Variants in ZBTB11 observed in about 807,000 individuals in gnomAD.
ZBTB11 encodes the protein zinc finger and BTB domain-containing protein 11.
ZBTB11 carries 68 observed loss-of-function variants against 113.1 expected under a neutral mutation model. The ratio of observed to expected loss-of-function variants is 0.60; its 90% CI spans 0.49 to 0.74. The LOEUF is 0.74. ZBTB11 is among the 30% of genes least tolerant of loss of function. The pLI is 0.00. For missense variants in ZBTB11, 1,104 were observed against 1,279.4 expected, an observed-to-expected ratio of 0.86 and a Z score of 2.09; for synonymous variants, 518 against 452.6, an observed-to-expected ratio of 1.14 and a Z score of -1.83.
intron 3 of ZBTB11, among the ~76,000 whole-genome samples, chr3:101,668,182 T>A (rs371337015): frequency 3.3e-5 from 5 of 151,026 alleles, no homozygotes; most frequent in African/African-American, 1.2e-4. Flanking sequence ...AGAGAAGAGC[T>A]ATGGTTATTA....
intron 6 of ZBTB11, among the ~76,000 whole-genome samples, chr3:101,658,078 C>T (rs1356978509): frequency 6.6e-6 from 1 of 152,094 alleles, no homozygotes; most frequent in Non-Finnish European, 1.5e-5. Context: ...AATATGAAAC[C>T]AGCCCAAATG....
chr3:101,656,293 G>C, intron 6 of ZBTB11, 45 bp from the exon 7 acceptor site: 1 of 1,262,868 alleles, frequency 7.9e-7, no homozygotes, highest in Non-Finnish European at 1.0e-6. Context: ...CAAAAAGGGA[G>C]ATTGTTTCTG....
chr3:101,659,753 T>C, intron 6 of ZBTB11, 30 bp downstream of exon 6: 7 of 1,610,472 alleles, frequency 4.3e-6, no homozygotes, highest in Non-Finnish European at 5.1e-6. Flanking sequence ...TAATGTTCTT[T>C]AAATAGCAAA....
rs1450352174 is a variant in ZBTB11 at position 101,649,847 on chromosome 3, T to C, written c.*1319A>G. 6.6e-6 allele frequency: 1 copy of C among 152,650 alleles called. No individual in the cohort carries two copies. The highest frequency in any genetic ancestry group is 2.4e-5 in the African/African-American group (1 of 41,464). 9.5% of individuals were successfully genotyped at this position (152,650 alleles called of 1,614,324 possible). On this transcript the variant is annotated 3_prime_UTR_variant, in exon 11 of 11. Transcript: ENST00000312938. ...CTTTTCTTGTGCTTTAGGAATGATT[T>C]ACATGTGATCTGCTTATATCTTAAT...
chr3:101,676,231 C>A (rs1175397591), intron 1 of ZBTB11, among the ~76,000 whole-genome samples: 2 of 152,028 alleles, frequency 1.3e-5, no homozygotes, highest in African/African-American at 4.8e-5. Context: ...AAAACGTGCA[C>A]CCCGCAGCCT....
rs749436899 is a variant in ZBTB11, at chr3:101,671,370, A to G, written c.547-9T>C. ...ACTCCTTTGGTGTCAACCTGTCAAA[A>G]TAAGTTTGAGAGCAAGAGTAACATA... On this transcript the variant is annotated splice_polypyrimidine_tract_variant and intron_variant, in intron 2 of 10. Transcript: ENST00000312938. 4.3e-6 allele frequency: 7 copies of G among 1,610,340 alleles called. No individual in the cohort carries two copies. In the Admixed American group the frequency reaches 1.0e-4, roughly 23 times the overall value.
Position 101,649,601 on chromosome 3 carries a change from A to C in ZBTB11, c.*1565T>G, listed in dbSNP as rs906692706. ...GGTTGAAATGTTTTTCCACTAACTGAAAGATAAGATAAATGAGCAGCCATT... is the reference window on the plus strand; with the variant it reads ...GGTTGAAATGTTTTTCCACTAACTGCAAGATAAGATAAATGAGCAGCCATT... On this transcript the variant is annotated 3_prime_UTR_variant, in exon 11 of 11. Transcript: ENST00000312938. 2 of 152,516 alleles carry C rather than the reference A, an allele frequency of 1.3e-5. No individual in the cohort carries two copies. The highest frequency in any genetic ancestry group is 4.8e-5 in the African/African-American group (2 of 41,470). The allele number at this position is 152,516 out of a possible 1,614,324, so 9.4% of individuals were successfully genotyped here.
intron 1 of ZBTB11, among the ~76,000 whole-genome samples, chr3:101,676,194 C>T (rs1295364627): frequency 2.0e-5 from 3 of 151,646 alleles, no homozygotes; most frequent in Non-Finnish European, 4.4e-5. Flanking sequence ...GGTGACTCGT[C>T]CCCCCTTCCA....
At chr3:101,671,909 A>G (rs929235693) in intron 2 of ZBTB11, 69 bp downstream of exon 2, 17 of 1,255,814 alleles carry the variant, frequency 1.4e-5, no homozygotes, top group Non-Finnish European at 1.8e-5. Context: ...GAGAAAAATA[A>G]GTCACCAAGG....
chr3:101,654,420 AG>A (rs999837158), intron 8 of ZBTB11, among the ~76,000 whole-genome samples: 5 of 152,166 alleles, frequency 3.3e-5, no homozygotes, highest in South Asian at 4.2e-4. Context: ...AATGAAGAAG[AG>A]GGGGGGAAAG....
chr3:101,656,380 G>A, intron 6 of ZBTB11, 132 bp from the exon 7 acceptor site: 1 of 547,410 alleles, frequency 1.8e-6, no homozygotes, highest in Non-Finnish European at 2.5e-6. Context: ...AAAACATAAT[G>A]ACAAAGTGAA....
chr3:101,664,425 A>C, intron 5 of ZBTB11, 113 bp downstream of exon 5: 1 of 1,001,594 alleles, frequency 1.0e-6, no homozygotes, highest in Non-Finnish European at 1.4e-6. Flanking sequence ...TAAGAAGATG[A>C]CTCTTATAGC....
At chr3:101,666,771 G>C (rs774609360) in intron 3 of ZBTB11, among the ~76,000 whole-genome samples, 3 of 151,962 alleles carry the variant, frequency 2.0e-5, no homozygotes, top group Non-Finnish European at 2.9e-5. Context: ...TATTTTTTGA[G>C]ATGGAGTCTT....
rs2108316085 is a variant in ZBTB11, at chr3:101,654,826, T to C, written c.2192-5A>G. ...AGCAAAGGTACTTGGACTCTCCTATTAGAAAAAATTAAAACCCTGTCACAT... is the reference window on the plus strand; with the variant it reads ...AGCAAAGGTACTTGGACTCTCCTATCAGAAAAAATTAAAACCCTGTCACAT... On this transcript the variant is annotated splice_polypyrimidine_tract_variant and splice_region_variant and intron_variant, in intron 7 of 10. Coordinates refer to ENST00000312938, the MANE Select transcript of ZBTB11 (RefSeq NM_014415.4). The C allele has an allele frequency of 6.2e-7, 1 of 1,610,090 alleles. No individual in the cohort carries two copies. Among genetic ancestry groups the C allele is most frequent in the Non-Finnish European group, 8.5e-7 (1 of 1,178,028 alleles).
At chr3:101,654,107 T>C (rs565071576) in intron 8 of ZBTB11, among the ~76,000 whole-genome samples, 4 of 152,190 alleles carry the variant, frequency 2.6e-5, no homozygotes, top group East Asian at 1.9e-4. Context: ...TGGTGTGATC[T>C]TGGCTCACTG....
At position 101,665,486 on chromosome 3, in the gene ZBTB11, T is replaced by C; in HGVS notation, c.1101A>G (p.Val367=). Reference sequence around the variant, plus strand: ...GCTCAGCTTCTGGCAATTCTCCATTTACCAGTAGTACAATTTCACAATCCC... The same window carrying C: ...GCTCAGCTTCTGGCAATTCTCCATTCACCAGTAGTACAATTTCACAATCCC... ...ELGDCEIVLL[V]NGELPEAEQN... Residue 367 remains valine (V), a synonymous_variant, in exon 4 of 11, where the codon GTA becomes GTG. Transcript: ENST00000312938. 1.2e-6 allele frequency: 2 copies of C among 1,614,208 alleles called. No homozygotes were observed. The highest frequency in any genetic ancestry group is 1.7e-6 in the Non-Finnish European group (2 of 1,180,014).
At position 101,677,007 on chromosome 3, in the gene ZBTB11, G is replaced by A. The variant is rs949444434; in HGVS notation, c.-93C>T. The A allele has an allele frequency of 1.6e-5, 22 of 1,382,736 alleles. No individual in the cohort carries two copies. Among genetic ancestry groups the A allele is most frequent in the Non-Finnish European group, 1.9e-5 (20 of 1,039,526 alleles). 85.7% of individuals were successfully genotyped at this position (1,382,736 alleles called of 1,614,324 possible). On this transcript the variant is annotated 5_prime_UTR_variant, in exon 1 of 11. In the 5' UTR this introduces an upstream ATG that the reference lacks. Coordinates refer to ENST00000312938, the MANE Select transcript of ZBTB11 (RefSeq NM_014415.4). ...CGGCTGCAGGAGGAGCGGCGGCACC[G>A]TAGGGAGAAACGGCTGCGCCTTTGG...
chr3:101,665,755 G>T lies in ZBTB11; in HGVS notation c.832C>A (p.Leu278Ile). 1 of 1,613,152 alleles carries T rather than the reference G, an allele frequency of 6.2e-7. No homozygotes were observed. Among genetic ancestry groups the T allele is most frequent in the Non-Finnish European group, 8.5e-7 (1 of 1,179,726 alleles). The change falls in exon 4 of 11, where the codon CTA becomes ATA. Residue 278 changes from leucine to isoleucine, a missense_variant. Transcript: ENST00000312938. Reference sequence around the variant, plus strand: ...GCCATGCTACAGAAATCAAAACTTAGTACAGAAGTATAGGCAAATTCCAGT... The same window carrying T: ...GCCATGCTACAGAAATCAAAACTTATTACAGAAGTATAGGCAAATTCCAGT... ...PLLEFAYTSV[L>I]SFDFCSMADV...
rs1003573371 is a variant in ZBTB11, at chr3:101,650,643, G to A, written c.*523C>T. ...AATAAATAGTAAGTCAAGAATCACA[G>A]ATCTAAAGCATTTAAAAAACGTAAT... On this transcript the variant is annotated 3_prime_UTR_variant, in exon 11 of 11. Coordinates refer to ENST00000312938, the MANE Select transcript of ZBTB11 (RefSeq NM_014415.4). 1 of 152,622 alleles carries A rather than the reference G, an allele frequency of 6.6e-6. No homozygotes were observed. The highest frequency in any genetic ancestry group is 2.4e-5 in the African/African-American group (1 of 41,446). The allele number at this position is 152,622 out of a possible 1,614,324, so 9.5% of individuals were successfully genotyped here. A position where few individuals can be genotyped will look rare whatever the true frequency, so the allele number is the denominator to read the frequency against.
Sources: allele counts gnomAD v4.1 joint callset (sites outside exome capture counted in the v4.1 genomes callset), GRCh38; gene constraint gnomAD v4.1.1; transcripts MANE v1.5; gene names NCBI Gene and HGNC (gene_info 2026-07-23, HGNC 2026-07-21).